SEPTIN11: variants seen among roughly 807,000 people sequenced by gnomAD.
The protein encoded by SEPTIN11 is septin 11.
A neutral mutation model predicts 51.4 loss-of-function variants in SEPTIN11; 25 were observed. The ratio of observed to expected loss-of-function variants is 0.49; its 90% CI spans 0.35 to 0.68. SEPTIN11 has a LOEUF of 0.68. Among genes scored for constraint, SEPTIN11 ranks in the 30% least tolerant of loss-of-function variants. The pLI is 0.00. For missense variants in SEPTIN11, 381 were observed against 520.8 expected, an observed-to-expected ratio of 0.73 and a Z score of 2.61; for synonymous variants, 174 against 184.1, an observed-to-expected ratio of 0.95 and a Z score of 0.44.
intron 1 of SEPTIN11, among the ~76,000 whole-genome samples, chr4:76,968,647 G>A (rs1017861032): frequency 6.6e-6 from 1 of 151,930 alleles, no homozygotes; most frequent in South Asian, 2.1e-4. Context: ...CTTCTTTTCC[G>A]AAGCCTACTC....
rs184060246 is a variant in SEPTIN11 at position 77,025,860 on chromosome 4, C to T, written c.954-2769C>T. Among the ~76,000 whole-genome samples, 16 of 152,238 alleles carry T rather than the reference C, an allele frequency of 1.1e-4. No individual in the cohort carries two copies. The East Asian group carries it at 2.7e-3, about 26-fold the overall frequency. On this transcript the variant is annotated intron_variant, in intron 7 of 9. Transcript: ENST00000264893. The stretch of plus-strand genomic sequence containing the variant: ...TAAGACACAATGATATAAGAAGTAG[C>T]ATTTGTTGAGCCCATTTGCCTGCTC...
intron 7 of SEPTIN11, among the ~76,000 whole-genome samples, chr4:77,023,977 T>G (rs931391974): frequency 6.6e-6 from 1 of 152,210 alleles, no homozygotes; most frequent in African/African-American, 2.4e-5. Flanking sequence ...GATTTCTGCA[T>G]GGGTGTGCAG....
chr4:76,987,833 A>G, intron 1 of SEPTIN11: 4 of 981,590 alleles, frequency 4.1e-6, no homozygotes, highest in Non-Finnish European at 4.8e-6. Flanking sequence ...TACTACTGAA[A>G]TAGGACCTCA....
chr4:77,009,198 A>G (rs1186231306), intron 3 of SEPTIN11, among the ~76,000 whole-genome samples: 1 of 152,242 alleles, frequency 6.6e-6, no homozygotes, highest in Non-Finnish European at 1.5e-5. Flanking sequence ...GTATGACATA[A>G]GAGAAGGAGG....
chr4:76,987,930 AG>A (rs1168839056), intron 1 of SEPTIN11: 1 of 543,392 alleles, frequency 1.8e-6, no homozygotes, highest in East Asian at 1.4e-4. Flanking sequence ...CAGAGCTCAA[AG>A]GAGTGTACTG....
At chr4:76,987,160 A>C (rs191879907) in intron 1 of SEPTIN11, among the ~76,000 whole-genome samples, 120 of 152,274 alleles carry the variant, frequency 7.9e-4, no homozygotes, top group African/African-American at 2.7e-3. Flanking sequence ...TTTGTGACCT[A>C]GGGGCTGGCT....
chr4:76,989,124 C>A (rs1362720822), intron 1 of SEPTIN11, among the ~76,000 whole-genome samples: 1 of 152,260 alleles, frequency 6.6e-6, no homozygotes, highest in Middle Eastern at 3.4e-3. Context: ...GATTAAATCT[C>A]CTCACTTTAC....
At chr4:76,983,770 G>A (rs1395526233) in intron 1 of SEPTIN11, among the ~76,000 whole-genome samples, 1 of 152,166 alleles carries the variant, frequency 6.6e-6, no homozygotes, top group African/African-American at 2.4e-5. Flanking sequence ...AGCACTTTGG[G>A]AGGCCGAGGC....
At chr4:76,963,632 G>T (rs908788432) in intron 1 of SEPTIN11, among the ~76,000 whole-genome samples, 1 of 152,158 alleles carries the variant, frequency 6.6e-6, no homozygotes, top group African/African-American at 2.4e-5. Flanking sequence ...TTGAAATGTG[G>T]CTGGGATAGC....
chr4:77,031,073 G>A, intron 9 of SEPTIN11, 103 bp downstream of exon 9: 1 of 1,107,922 alleles, frequency 9.0e-7, no homozygotes, highest in Non-Finnish European at 1.3e-6. Context: ...TCCTTTACCA[G>A]AAAGATAAAA....
chr4:76,988,552 A>G (rs1723168635), intron 1 of SEPTIN11, among the ~76,000 whole-genome samples: 1 of 152,208 alleles, frequency 6.6e-6, no homozygotes, highest in Non-Finnish European at 1.5e-5. Flanking sequence ...TCTGTCACCC[A>G]GGCTGGAGTA....
intron 1 of SEPTIN11, among the ~76,000 whole-genome samples, chr4:76,990,060 G>A (rs1412202466): frequency 6.6e-6 from 1 of 152,102 alleles, no homozygotes; most frequent in Non-Finnish European, 1.5e-5. Flanking sequence ...ACCTGAGCGG[G>A]TTGCCGCTGC....
At chr4:76,991,393 G>T (rs1723367553) in intron 1 of SEPTIN11, among the ~76,000 whole-genome samples, 1 of 152,210 alleles carries the variant, frequency 6.6e-6, no homozygotes, top group Admixed American at 6.5e-5. Flanking sequence ...CCCTTCTCTG[G>T]TGAAGCAAGA....
intron 9 of SEPTIN11, among the ~76,000 whole-genome samples, chr4:77,033,805 C>T (rs1726849133): frequency 6.6e-6 from 1 of 152,204 alleles, no homozygotes; most frequent in African/African-American, 2.4e-5. Context: ...ACCATCCACT[C>T]ATCTTTTAAA....
At chr4:76,979,405 C>T (rs1004480370) in intron 1 of SEPTIN11, among the ~76,000 whole-genome samples, 27 of 152,020 alleles carry the variant, frequency 1.8e-4, no homozygotes, top group African/African-American at 4.8e-4. Flanking sequence ...GTGCAGAGGT[C>T]GGTATGCTTT....
In SEPTIN11 at chr4:76,984,756, G is replaced by T. The variant is rs1489295443; in HGVS notation, c.28-11669G>T. 6.6e-6 allele frequency among the ~76,000 whole-genome samples: 1 copy of T among 152,202 alleles called. No homozygotes were observed. Among genetic ancestry groups the T allele is most frequent in the Non-Finnish European group, 1.5e-5 (1 of 68,042 alleles). On this transcript the variant is annotated intron_variant, in intron 1 of 9. Coordinates refer to ENST00000264893, the MANE Select transcript of SEPTIN11 (RefSeq NM_018243.4). This position sits in a 1 kb window ranked among gnomAD's most constrained non-coding sequence, Gnocchi z 4.1. Reference sequence around the variant, plus strand: ...ACCCAAATAAACAACAGTGAGACAAGTGGGTGGTTTTATGCTCTGCAAGAG... The same window carrying T: ...ACCCAAATAAACAACAGTGAGACAATTGGGTGGTTTTATGCTCTGCAAGAG...
chr4:76,975,503 A>G (rs551381238), intron 1 of SEPTIN11, among the ~76,000 whole-genome samples: 3 of 152,330 alleles, frequency 2.0e-5, no homozygotes, highest in African/African-American at 7.2e-5. Context: ...TGTAAATAAC[A>G]TTGTTTTATG....
At position 76,982,042 on chromosome 4, in the gene SEPTIN11, G is replaced by A. The variant is rs549073688; in HGVS notation, c.28-14383G>A. Among the ~76,000 whole-genome samples the A allele has an allele frequency of 4.6e-5, 7 of 152,246 alleles. No individual in the cohort carries two copies. The East Asian group carries it at 1.4e-3, about 29-fold the overall frequency. On this transcript the variant is annotated intron_variant, in intron 1 of 9. Transcript: ENST00000264893. Reference sequence around the variant, plus strand: ...GCTCCCCATTTAAGGACTATTTCCAGTAAACTGAAAAAGAATCAGTTTTAA... The same window carrying A: ...GCTCCCCATTTAAGGACTATTTCCAATAAACTGAAAAAGAATCAGTTTTAA...
rs929345923 is a variant in SEPTIN11 at position 77,036,103 on chromosome 4, G to A, written c.*1591G>A. ...TTTTCTTTGTCCTCAACCATACTTAGAGGAAAGAAGGAATGGTCTTCCATG... is the reference window on the plus strand; with the variant it reads ...TTTTCTTTGTCCTCAACCATACTTAAAGGAAAGAAGGAATGGTCTTCCATG... On this transcript the variant is annotated 3_prime_UTR_variant, in exon 10 of 10. Coordinates refer to ENST00000264893, the MANE Select transcript of SEPTIN11 (RefSeq NM_018243.4). 10 of 985,696 alleles carry A rather than the reference G, an allele frequency of 1.0e-5. No individual in the cohort carries two copies. The highest frequency in any genetic ancestry group is 1.2e-5 in the Non-Finnish European group (10 of 829,994). The allele number at this position is 985,696 out of a possible 1,614,324, so 61.1% of individuals were successfully genotyped here.
Sources: allele counts gnomAD v4.1 joint callset (sites outside exome capture counted in the v4.1 genomes callset), GRCh38; gene constraint gnomAD v4.1.1; non-coding constraint Gnocchi (gnomAD v3.1); transcripts MANE v1.5; gene names NCBI Gene and HGNC (gene_info 2026-07-23, HGNC 2026-07-21).